The following TBC1D14 variants were observed in gnomAD, a reference collection of about 807,000 sequenced individuals.
TBC1D14 encodes TBC1 domain family member 14.
In TBC1D14, 26 loss-of-function variants were observed where a neutral mutation model predicts 79.0. The ratio of observed to expected loss-of-function variants is 0.33; its 90% CI spans 0.24 to 0.46. The LOEUF is 0.46. Among genes scored for constraint, TBC1D14 ranks in the 20% least tolerant of loss-of-function variants. TBC1D14 has a pLI of 1.00. For missense variants in TBC1D14, 769 were observed against 887.6 expected, an observed-to-expected ratio of 0.87 and a Z score of 1.70; for synonymous variants, 394 against 349.9, an observed-to-expected ratio of 1.13 and a Z score of -1.40.
chr4:7,015,089 G>C (rs1467376438), intron 12 of TBC1D14, among the ~76,000 whole-genome samples: 1 of 152,104 alleles, frequency 6.6e-6, no homozygotes, highest in Non-Finnish European at 1.5e-5. Context: ...AAAGGGCAGA[G>C]GACGGCAGGC....
chr4:7,007,494 C>T, intron 9 of TBC1D14: 1 of 1,271,704 alleles, frequency 7.9e-7, no homozygotes, highest in Non-Finnish European at 1.0e-6. Flanking sequence ...TTGCACCTGT[C>T]CCTTGTCTGT....
intron 2 of TBC1D14, among the ~76,000 whole-genome samples, chr4:6,958,376 T>TACACACACAC (rs60999179): frequency 0.16 from 24,362 of 149,088 alleles, 2,139 homozygotes; most frequent in Middle Eastern, 0.22. Flanking sequence ...TCCCCACATA[T>TACACACACAC]ACACACACAC....
intron 2 of TBC1D14, among the ~76,000 whole-genome samples, chr4:6,928,133 C>G (rs1489870461): frequency 6.6e-6 from 1 of 152,204 alleles, no homozygotes; most frequent in Non-Finnish European, 1.5e-5. Context: ...ACGGATCTCT[C>G]AGATAATCTG....
At chr4:7,014,710 A>G (rs1721111412) in intron 12 of TBC1D14, among the ~76,000 whole-genome samples, 153 bp downstream of exon 12, 1 of 152,132 alleles carries the variant, frequency 6.6e-6, no homozygotes, top group Non-Finnish European at 1.5e-5. Context: ...TTTTATTTCC[A>G]TCAGTGCCTC....
chr4:6,926,665 A>G (rs1042348778), intron 2 of TBC1D14, among the ~76,000 whole-genome samples: 5 of 152,218 alleles, frequency 3.3e-5, no homozygotes, highest in African/African-American at 4.8e-5. Context: ...GTTAGAGAAG[A>G]GTTTCCATGT....
chr4:6,978,713 C>T (rs1182813538), intron 3 of TBC1D14, among the ~76,000 whole-genome samples: 3 of 134,942 alleles, frequency 2.2e-5, no homozygotes, highest in South Asian at 2.3e-4. Context: ...TCCCCCTCTG[C>T]GAGAAACACC....
intron 2 of TBC1D14, among the ~76,000 whole-genome samples, chr4:6,930,473 C>T (rs145484501): frequency 3.9e-5 from 6 of 152,256 alleles, no homozygotes; most frequent in African/African-American, 1.2e-4. Context: ...GCAAGGAACT[C>T]GTAGGATGGT....
intron 2 of TBC1D14, among the ~76,000 whole-genome samples, chr4:6,927,709 G>A (rs780981151): frequency 1.3e-5 from 2 of 152,084 alleles, no homozygotes; most frequent in South Asian, 2.1e-4. Flanking sequence ...CCCTGGCTCC[G>A]ACCCACGGGA....
At chr4:6,987,083 G>A in intron 3 of TBC1D14, 1 of 262,942 alleles carries the variant, frequency 3.8e-6, no homozygotes, top group East Asian at 1.9e-4. Context: ...CCCCAGCCCC[G>A]CCCCTTGTGC....
intron 2 of TBC1D14, among the ~76,000 whole-genome samples, chr4:6,943,289 G>A (rs191193590): frequency 1.3e-3 from 200 of 152,332 alleles, no homozygotes; most frequent in African/African-American, 4.3e-3. Context: ...AAATGGGTTT[G>A]GTGAATAACT....
chr4:6,976,773 T>G (rs1366521811), intron 3 of TBC1D14, among the ~76,000 whole-genome samples: 2 of 152,182 alleles, frequency 1.3e-5, no homozygotes, highest in Non-Finnish European at 2.9e-5. Flanking sequence ...CCTTTTGTTT[T>G]AACTGAAAGC....
At chr4:6,951,725 T>G (rs1289713016) in intron 2 of TBC1D14, among the ~76,000 whole-genome samples, 2 of 152,106 alleles carry the variant, frequency 1.3e-5, no homozygotes, top group Non-Finnish European at 2.9e-5. Flanking sequence ...GGTGGAATGG[T>G]GGAGGAGAGG....
intron 9 of TBC1D14, among the ~76,000 whole-genome samples, chr4:7,007,348 G>A (rs1577161038): frequency 6.6e-6 from 1 of 152,224 alleles, no homozygotes; most frequent in Non-Finnish European, 1.5e-5. Context: ...CCAGCAGTAG[G>A]TTGTGGGGTC....
chr4:6,924,770 G>A (rs760651403), intron 2 of TBC1D14, among the ~76,000 whole-genome samples: 10 of 152,158 alleles, frequency 6.6e-5, no homozygotes, highest in Non-Finnish European at 1.3e-4. Context: ...TCTGCCTCTC[G>A]TTTGTGCTCT....
At chr4:6,932,590 T>A (rs1309606280) in intron 2 of TBC1D14, among the ~76,000 whole-genome samples, 1 of 152,152 alleles carries the variant, frequency 6.6e-6, no homozygotes, top group East Asian at 1.9e-4. Flanking sequence ...TGGCTTTGAC[T>A]TAGACTCAGT....
chr4:6,971,722 C>T (rs116622346), intron 3 of TBC1D14, among the ~76,000 whole-genome samples: 1,808 of 152,214 alleles, frequency 0.012, 16 homozygotes, highest in Middle Eastern at 0.037. Flanking sequence ...GTTCTCGGGC[C>T]TTACTCCAGA....
chr4:6,927,128 C>G (rs376797830), intron 2 of TBC1D14, among the ~76,000 whole-genome samples: 1 of 152,172 alleles, frequency 6.6e-6, no homozygotes, highest in Admixed American at 6.5e-5. Context: ...AGCGCAGGCC[C>G]GGCTTGCATT....
chr4:7,031,732 G>T lies in TBC1D14; in HGVS notation c.*1340G>T, dbSNP rs1194368150. 1 of 152,212 alleles carries T rather than the reference G, an allele frequency of 6.6e-6. No individual in the cohort carries two copies. Among genetic ancestry groups the T allele is most frequent in the African/African-American group, 2.4e-5 (1 of 41,450 alleles). 9.4% of individuals were successfully genotyped at this position (152,212 alleles called of 1,614,324 possible). On this transcript the variant is annotated 3_prime_UTR_variant, in exon 14 of 14. Transcript: ENST00000409757. ...CCCGGTCACGGGCTTGGTTAGTCATGCGTACATGTGTGCCTTGGGGTGCTC... is the reference window on the plus strand; with the variant it reads ...CCCGGTCACGGGCTTGGTTAGTCATTCGTACATGTGTGCCTTGGGGTGCTC...
At chr4:6,968,215 C>T (rs59742225) in intron 3 of TBC1D14, among the ~76,000 whole-genome samples, 13,272 of 152,184 alleles carry the variant, frequency 0.087, 890 homozygotes, top group African/African-American at 0.18. Context: ...CACTAAGCGC[C>T]AGGCCTCATG....
Sources: allele counts gnomAD v4.1 joint callset (sites outside exome capture counted in the v4.1 genomes callset), GRCh38; gene constraint gnomAD v4.1.1; transcripts MANE v1.5; gene names NCBI Gene and HGNC (gene_info 2026-07-23, HGNC 2026-07-21).